The following VDAC1 variants were observed in gnomAD, a reference collection of about 807,000 sequenced individuals.
The protein encoded by VDAC1 is voltage dependent anion channel 1.
A neutral mutation model predicts 34.7 loss-of-function variants in VDAC1; 10 were observed. The observed-to-expected ratio is 0.29, with a 90% CI of 0.18 to 0.49. The LOEUF (loss-of-function observed/expected upper bound fraction) is 0.49, where lower values mean the gene tolerates loss of function less well. Among genes scored for constraint, VDAC1 ranks in the 20% least tolerant of loss-of-function variants. VDAC1 has a pLI of 0.99. For missense variants in VDAC1, 230 were observed against 347.9 expected (o/e 0.66, Z 2.69); for synonymous variants, 130 against 136.0 (o/e 0.96, Z 0.30).
the VDAC1 span, among the ~76,000 whole-genome samples, chr5:134,033,796 T>C: frequency 2.0e-5 from 3 of 151,266 alleles, no homozygotes; most frequent in South Asian, 2.1e-4. Flanking sequence ...ATCGAGACCA[T>C]CCTGGCTAAC....
chr5:134,078,110 ACTGCCCAACAC>A, the VDAC1 span, among the ~76,000 whole-genome samples: 1 of 152,184 alleles, frequency 6.6e-6, no homozygotes, highest in Admixed American at 6.6e-5. Flanking sequence ...TCTAGCACAC[ACTGCCCAACAC>A]CTGCTCTATG....
chr5:134,014,116 C>A, the VDAC1 span, among the ~76,000 whole-genome samples: 1 of 152,070 alleles, frequency 6.6e-6, no homozygotes, highest in African/African-American at 2.4e-5. Context: ...TGGTGAAACC[C>A]CGAGTCTACT....
the VDAC1 span, among the ~76,000 whole-genome samples, chr5:134,022,614 C>T: frequency 6.6e-6 from 1 of 152,228 alleles, no homozygotes; most frequent in Non-Finnish European, 1.5e-5. Context: ...TCCCCTAACA[C>T]ATGCTCAGTA....
chr5:134,043,210 G>A, the VDAC1 span, among the ~76,000 whole-genome samples: 1 of 152,244 alleles, frequency 6.6e-6, no homozygotes, highest in East Asian at 1.9e-4. Context: ...GTCCAAGGGT[G>A]ACCAGAGATG....
At chr5:134,110,581 A>G in the VDAC1 span, among the ~76,000 whole-genome samples, 142,470 of 152,320 alleles carry the variant, frequency 0.94, 66,726 homozygotes, top group African/African-American at 0.98. Flanking sequence ...TAGGACCTGT[A>G]ACCGGGTTTT....
chr5:134,023,097 G>A, the VDAC1 span, among the ~76,000 whole-genome samples: 1 of 152,166 alleles, frequency 6.6e-6, no homozygotes, highest in African/African-American at 2.4e-5. Flanking sequence ...GTGATATACT[G>A]TATAAAGAAA....
chr5:134,057,431 G>A, the VDAC1 span, among the ~76,000 whole-genome samples: 3 of 151,738 alleles, frequency 2.0e-5, no homozygotes, highest in Non-Finnish European at 4.4e-5. Context: ...AGTGAGCCAA[G>A]ATCACACCAC....
chr5:133,992,684 T>C (rs1360594156), intron 2 of VDAC1, among the ~76,000 whole-genome samples: 4 of 152,254 alleles, frequency 2.6e-5, no homozygotes, highest in Admixed American at 2.6e-4. Context: ...CGCGCTCCAC[T>C]GCAGCAGCTT....
intron 6 of VDAC1, among the ~76,000 whole-genome samples, chr5:133,977,091 G>A (rs959049345): frequency 6.6e-6 from 1 of 152,180 alleles, no homozygotes; most frequent in Non-Finnish European, 1.5e-5. Context: ...AGAAGAAAAT[G>A]AGAAGAGAAC....
the VDAC1 span, among the ~76,000 whole-genome samples, chr5:134,096,410 C>T: frequency 2.6e-5 from 4 of 152,196 alleles, no homozygotes; most frequent in Non-Finnish European, 4.4e-5. Context: ...TGAGCAGCCC[C>T]GGCTGCAGGA....
chr5:134,043,603 G>T, the VDAC1 span, among the ~76,000 whole-genome samples: 1 of 152,124 alleles, frequency 6.6e-6, no homozygotes, highest in East Asian at 1.9e-4. Context: ...TGCAATCACG[G>T]CTCACTGCAG....
the VDAC1 span, among the ~76,000 whole-genome samples, chr5:134,087,068 G>A: frequency 6.6e-6 from 1 of 152,168 alleles, no homozygotes; most frequent in Non-Finnish European, 1.5e-5. Context: ...TGGGCCTGCT[G>A]CTGAGAATGC....
Position 133,991,068 on chromosome 5 carries a change from G to A in VDAC1, c.204C>T (p.Gly68=), listed in dbSNP as rs1487387841. 4 of 1,614,100 alleles carry A rather than the reference G, an allele frequency of 2.5e-6. No individual in the cohort carries two copies. The change falls in exon 4 of 9, where the codon GGC becomes GGT. Residue 68 remains glycine, a synonymous_variant. Transcript: ENST00000265333. ...TATTCCATTTCTCTGTAAACGTCAG[G>A]CCGTACTCAGTCCATCTGTACTTGG... ...LETKYRWTEY[G]LTFTEKWNTD...
the VDAC1 span, among the ~76,000 whole-genome samples, chr5:134,090,657 C>T: frequency 6.6e-6 from 1 of 152,228 alleles, no homozygotes; most frequent in Non-Finnish European, 1.5e-5. Context: ...AGGTCGCAGC[C>T]CTTGGCCTCC....
the VDAC1 span, among the ~76,000 whole-genome samples, chr5:134,057,493 T>TTATATCTATATCTATATG: frequency 5.9e-5 from 8 of 134,560 alleles, no homozygotes; most frequent in South Asian, 5.2e-4. Context: ...AAAAAAAAAT[T>TTATATCTATATCTATATG]TATATCTATA....
At chr5:134,017,543 G>A in the VDAC1 span, among the ~76,000 whole-genome samples, 3 of 152,172 alleles carry the variant, frequency 2.0e-5, no homozygotes, top group African/African-American at 7.2e-5. Flanking sequence ...CTTTGTCCAT[G>A]CTTGTGTTCT....
chr5:134,001,329 C>G (rs942500944), intron 1 of VDAC1, among the ~76,000 whole-genome samples: 1 of 152,170 alleles, frequency 6.6e-6, no homozygotes, highest in Non-Finnish European at 1.5e-5. Flanking sequence ...GGGTGGTGAA[C>G]TCAACATCAC....
chr5:134,002,782 T>G (rs968532642), intron 1 of VDAC1, among the ~76,000 whole-genome samples: 5 of 151,870 alleles, frequency 3.3e-5, no homozygotes, highest in Non-Finnish European at 7.4e-5. Flanking sequence ...CTGGCAAACA[T>G]GGTGAAACCC....
At chr5:133,992,381 A>C in intron 2 of VDAC1, 26 bp from the exon 3 acceptor site, 1 of 1,533,972 alleles carries the variant, frequency 6.5e-7, no homozygotes, top group Non-Finnish European at 8.8e-7. Flanking sequence ...GACAACTGTC[A>C]ATAGGTTAAA....
Sources: allele counts gnomAD v4.1 joint callset (sites outside exome capture counted in the v4.1 genomes callset), GRCh38; gene constraint gnomAD v4.1.1; transcripts MANE v1.5; gene names NCBI Gene and HGNC (gene_info 2026-07-23, HGNC 2026-07-21).